NKAIN2: variants seen among roughly 807,000 people sequenced by gnomAD.
NKAIN2 encodes the protein sodium/potassium transporting ATPase interacting 2, also known as sodium/potassium-transporting ATPase subunit beta-1-interacting protein 2.
In NKAIN2, 14 loss-of-function variants were observed where a neutral mutation model predicts 32.6. The ratio of observed to expected loss-of-function variants is 0.43; its 90% confidence interval spans 0.28 to 0.67. The LOEUF (loss-of-function observed/expected upper bound fraction) is 0.67. NKAIN2 is among the 30% of genes least tolerant of loss of function. The probability of loss-of-function intolerance (pLI) is 0.17; values close to 1 mark genes in which losing one functional copy is unlikely to be tolerated. For synonymous variants in NKAIN2, 80 were observed against 87.2 expected, an observed-to-expected ratio of 0.92 and a Z score of 0.46; for missense variants, 198 against 258.3, an observed-to-expected ratio of 0.77 and a Z score of 1.60.
chr6:124,720,451 C>T (rs73577312), intron 4 of NKAIN2, among the ~76,000 whole-genome samples: 21 of 152,176 alleles, frequency 1.4e-4, no homozygotes, highest in African/African-American at 3.9e-4. Flanking sequence ...GATATTTGCA[C>T]GATTTAAATG....
chr6:124,812,482 A>G (rs1407900056), intron 5 of NKAIN2, among the ~76,000 whole-genome samples: 1 of 152,164 alleles, frequency 6.6e-6, no homozygotes, highest in Non-Finnish European at 1.5e-5. Flanking sequence ...AGCTTGTATT[A>G]TAGTAGTGGA....
At chr6:123,833,415 T>A (rs192371449) in intron 1 of NKAIN2, among the ~76,000 whole-genome samples, 1 of 152,158 alleles carries the variant, frequency 6.6e-6, no homozygotes, top group African/African-American at 2.4e-5. Flanking sequence ...TTTGGGTTTT[T>A]TGCCTTTCCA....
At chr6:123,831,780 C>G (rs1774393561) in intron 1 of NKAIN2, among the ~76,000 whole-genome samples, 1 of 151,926 alleles carries the variant, frequency 6.6e-6, no homozygotes, top group Non-Finnish European at 1.5e-5. Flanking sequence ...CTCAGCCTCC[C>G]AAGTAGCTGG....
At chr6:123,817,418 A>G (rs1027782044) in intron 1 of NKAIN2, among the ~76,000 whole-genome samples, 7 of 152,134 alleles carry the variant, frequency 4.6e-5, no homozygotes, top group African/African-American at 1.7e-4. Context: ...CCTCTGAGCT[A>G]ATGTAAAGAG....
chr6:124,157,636 A>G (rs1788058480), intron 1 of NKAIN2, among the ~76,000 whole-genome samples: 1 of 152,156 alleles, frequency 6.6e-6, no homozygotes, highest in African/African-American at 2.4e-5. Flanking sequence ...TATTTACTCT[A>G]TTTTTGATCA....
At chr6:124,749,384 A>G (rs1206524094) in intron 4 of NKAIN2, among the ~76,000 whole-genome samples, 2 of 151,958 alleles carry the variant, frequency 1.3e-5, no homozygotes, top group African/African-American at 2.4e-5. Flanking sequence ...GTCATGTAAC[A>G]GGTTCGCAGG....
intron 3 of NKAIN2, among the ~76,000 whole-genome samples, chr6:124,595,894 C>A (rs1782068717): frequency 6.6e-6 from 1 of 152,114 alleles, no homozygotes; most frequent in Admixed American, 6.6e-5. Context: ...TTTGCAGCAA[C>A]TAGTAAGGCC....
At chr6:124,756,250 C>T (rs1450832700) in intron 4 of NKAIN2, among the ~76,000 whole-genome samples, 4 of 152,130 alleles carry the variant, frequency 2.6e-5, no homozygotes, top group Non-Finnish European at 5.9e-5. Flanking sequence ...AAACTGGCTG[C>T]CTGAGGCCCC....
intron 4 of NKAIN2, among the ~76,000 whole-genome samples, chr6:124,725,466 C>T (rs1419411869): frequency 2.0e-5 from 3 of 151,998 alleles, no homozygotes; most frequent in Admixed American, 6.6e-5. Flanking sequence ...ATTCCTAAGC[C>T]CTGTTCTATT....
intron 3 of NKAIN2, among the ~76,000 whole-genome samples, chr6:124,409,083 G>C (rs1023544639): frequency 2.6e-5 from 4 of 152,162 alleles, no homozygotes; most frequent in Admixed American, 2.0e-4. Flanking sequence ...TCAGCTTAAG[G>C]AGATTGTGGG....
chr6:123,889,041 G>A (rs1382594951), intron 1 of NKAIN2, among the ~76,000 whole-genome samples: 2 of 152,074 alleles, frequency 1.3e-5, no homozygotes, highest in African/African-American at 4.8e-5. Context: ...GGCATTGAAA[G>A]GATAAGACCC....
At chr6:124,709,625 G>A (rs1220932482) in intron 4 of NKAIN2, among the ~76,000 whole-genome samples, 196 of 149,436 alleles carry the variant, frequency 1.3e-3, no homozygotes, top group African/African-American at 4.3e-3. Context: ...GTTTATTTGC[G>A]TAGAGGTATT....
intron 1 of NKAIN2, among the ~76,000 whole-genome samples, chr6:123,940,401 G>C (rs1582814572): frequency 6.6e-6 from 1 of 150,774 alleles, no homozygotes; most frequent in Non-Finnish European, 1.5e-5. Context: ...CACACACACA[G>C]TCATGCATCA....
chr6:124,385,840 T>A (rs547252155), intron 3 of NKAIN2, among the ~76,000 whole-genome samples: 98 of 152,274 alleles, frequency 6.4e-4, no homozygotes, highest in African/African-American at 2.3e-3. Flanking sequence ...TACATGTACA[T>A]ACTCATATAT....
chr6:124,248,770 A>T (rs1413517322), intron 1 of NKAIN2, among the ~76,000 whole-genome samples: 1 of 152,156 alleles, frequency 6.6e-6, no homozygotes, highest in Admixed American at 6.6e-5. Flanking sequence ...TATACAAGGC[A>T]TGCTTCTTGT....
At chr6:124,711,195 G>T (rs1775433245) in intron 4 of NKAIN2, among the ~76,000 whole-genome samples, 2 of 126,002 alleles carry the variant, frequency 1.6e-5, no homozygotes, top group African/African-American at 6.5e-5. Flanking sequence ...TCTGCTGAGA[G>T]ATCCGCTGTT....
chr6:124,196,143 T>A (rs879108089), intron 1 of NKAIN2, among the ~76,000 whole-genome samples: 1 of 152,156 alleles, frequency 6.6e-6, no homozygotes, highest in Admixed American at 6.5e-5. Context: ...TTTCATATAT[T>A]TTTTAAGTAC....
chr6:124,668,202 T>C (rs1232082208), intron 4 of NKAIN2, among the ~76,000 whole-genome samples: 1 of 152,180 alleles, frequency 6.6e-6, no homozygotes, highest in Non-Finnish European at 1.5e-5. Context: ...CACTTTATTA[T>C]ACTCAAGGAA....
intron 4 of NKAIN2, among the ~76,000 whole-genome samples, chr6:124,778,137 A>C (rs1779064306): frequency 6.6e-6 from 1 of 152,142 alleles, no homozygotes; most frequent in Non-Finnish European, 1.5e-5. Context: ...AAAAAAATGC[A>C]AACAGCTTGC....
Sources: allele counts gnomAD v4.1 joint callset (sites outside exome capture counted in the v4.1 genomes callset), GRCh38; gene constraint gnomAD v4.1.1; transcripts MANE v1.5; gene names NCBI Gene and HGNC (gene_info 2026-07-23, HGNC 2026-07-21).